Variants in PTPRT observed in about 807,000 individuals in gnomAD.
PTPRT encodes receptor-type tyrosine-protein phosphatase T.
A neutral mutation model predicts 176.8 loss-of-function variants in PTPRT; 56 were observed. That is an observed-to-expected ratio of 0.32 (90% CI 0.26 to 0.40). The LOEUF is 0.40. Ranked by LOEUF, PTPRT falls within the 10% of genes least tolerant of loss-of-function variation. The pLI, the probability that PTPRT is intolerant of heterozygous loss-of-function variation, is 1.00. For missense variants in PTPRT, 1,540 were observed against 1,908.2 expected (o/e 0.81, Z 3.60); for synonymous variants, 783 against 739.0 (o/e 1.06, Z -0.96).
intron 13 of PTPRT, among the ~76,000 whole-genome samples, chr20:42,258,917 C>A (rs151213169): frequency 6.6e-6 from 1 of 152,180 alleles, no homozygotes; most frequent in Admixed American, 6.5e-5. Context: ...AGAAGATACA[C>A]ATTTCTAATA....
chr20:42,155,033 C>G (rs1298271495), intron 17 of PTPRT, among the ~76,000 whole-genome samples: 1 of 152,154 alleles, frequency 6.6e-6, no homozygotes, highest in Non-Finnish European at 1.5e-5. Flanking sequence ...CTGGGGACTC[C>G]ATGGGTTTTC....
At chr20:42,033,516 G>A in the PTPRT span, among the ~76,000 whole-genome samples, 291 of 152,224 alleles carry the variant, frequency 1.9e-3, 2 homozygotes, top group Non-Finnish European at 3.0e-3. Flanking sequence ...TGGAGTCTGA[G>A]GTGGATCCTC....
At chr20:42,299,554 G>C (rs1314764369) in intron 12 of PTPRT, among the ~76,000 whole-genome samples, 2 of 149,802 alleles carry the variant, frequency 1.3e-5, no homozygotes, top group East Asian at 2.0e-4. Flanking sequence ...CTCACTGTCA[G>C]AGAAGGGAAT....
chr20:42,789,190 C>A (rs192348650), intron 3 of PTPRT, among the ~76,000 whole-genome samples: 5 of 152,276 alleles, frequency 3.3e-5, no homozygotes, highest in South Asian at 4.1e-4. Context: ...TAAAGATTGA[C>A]AGGGAGAGAA....
chr20:42,339,589 G>A (rs1363417060), intron 11 of PTPRT, among the ~76,000 whole-genome samples: 1 of 152,188 alleles, frequency 6.6e-6, no homozygotes, highest in African/African-American at 2.4e-5. Context: ...CATACCTGAG[G>A]CCACCCATAG....
At chr20:42,145,161 T>G (rs6016694) in intron 17 of PTPRT, among the ~76,000 whole-genome samples, 24,424 of 152,066 alleles carry the variant, frequency 0.16, 2,548 homozygotes, top group East Asian at 0.49. Flanking sequence ...CATATAAAAA[T>G]CAAACAAATG....
intron 9 of PTPRT, among the ~76,000 whole-genome samples, chr20:42,373,874 G>A (rs2058619090): frequency 6.6e-6 from 1 of 152,184 alleles, no homozygotes; most frequent in Admixed American, 6.5e-5. Context: ...ACCTGCATCA[G>A]GAACCACAGG....
At chr20:42,267,107 T>A (rs1482464499) in intron 13 of PTPRT, among the ~76,000 whole-genome samples, 1 of 152,142 alleles carries the variant, frequency 6.6e-6, no homozygotes, top group Non-Finnish European at 1.5e-5. Context: ...GAGAAAGTAA[T>A]ACCTGTTCAG....
At chr20:42,741,406 G>A (rs147258127) in intron 6 of PTPRT, among the ~76,000 whole-genome samples, 1,547 of 152,120 alleles carry the variant, frequency 0.01, 32 homozygotes, top group African/African-American at 0.035. Context: ...GTGCAGTGGC[G>A]CGATCTTGGC....
chr20:42,626,199 T>A (rs2074286996), intron 7 of PTPRT, among the ~76,000 whole-genome samples: 1 of 152,088 alleles, frequency 6.6e-6, no homozygotes, highest in Admixed American at 6.6e-5. Flanking sequence ...AAAAAAGCTA[T>A]CAAAAACTGA....
chr20:42,963,325 C>T (rs1000065522), intron 1 of PTPRT, among the ~76,000 whole-genome samples: 22 of 150,730 alleles, frequency 1.5e-4, no homozygotes, highest in African/African-American at 5.1e-4. Context: ...GGCAGTAAGC[C>T]GAGATCGCAC....
intron 6 of PTPRT, among the ~76,000 whole-genome samples, chr20:42,694,180 A>G (rs935571220): frequency 1.1e-4 from 16 of 151,756 alleles, no homozygotes; most frequent in African/African-American, 3.9e-4. Context: ...CTGGGACTAC[A>G]GGCACCCGCC....
chr20:42,036,118 T>A, the PTPRT span, among the ~76,000 whole-genome samples: 1 of 152,040 alleles, frequency 6.6e-6, no homozygotes, highest in Admixed American at 6.6e-5. Context: ...TCCACTGGGG[T>A]GAGGAATCTA....
chr20:43,004,526 G>A (rs571413392), intron 1 of PTPRT, among the ~76,000 whole-genome samples: 32 of 152,282 alleles, frequency 2.1e-4, no homozygotes, highest in African/African-American at 6.0e-4. Context: ...CAACAAATAC[G>A]TCAGGAAATA....
At chr20:42,123,973 C>A (rs913159244) in intron 19 of PTPRT, among the ~76,000 whole-genome samples, 1 of 152,182 alleles carries the variant, frequency 6.6e-6, no homozygotes, top group Non-Finnish European at 1.5e-5. Context: ...ATGTCCCCAG[C>A]ACCTACAAGT....
chr20:42,379,030 A>G (rs181910798), intron 9 of PTPRT, among the ~76,000 whole-genome samples: 3 of 152,208 alleles, frequency 2.0e-5, no homozygotes, highest in African/African-American at 4.8e-5. Context: ...GTGCCCCCAC[A>G]GCTCCATTTT....
intron 12 of PTPRT, among the ~76,000 whole-genome samples, chr20:42,289,743 C>T (rs2057289282): frequency 6.6e-6 from 1 of 152,008 alleles, no homozygotes; most frequent in Admixed American, 6.6e-5. Context: ...AAGTTTTTAA[C>T]TTTCCTTAAT....
chr20:42,036,851 T>G, the PTPRT span, among the ~76,000 whole-genome samples: 2 of 152,132 alleles, frequency 1.3e-5, no homozygotes, highest in African/African-American at 4.8e-5. Context: ...CAGAAGCACC[T>G]TGCATATCAG....
At chr20:42,650,124 G>A (rs2075002900) in intron 7 of PTPRT, among the ~76,000 whole-genome samples, 2 of 152,316 alleles carry the variant, frequency 1.3e-5, no homozygotes, top group South Asian at 4.1e-4. Context: ...CAGGAAGTAA[G>A]AAGGTACAAA....
Sources: gnomAD v4.1 joint callset for allele counts (sites outside exome capture counted in the v4.1 genomes callset) on GRCh38, gnomAD v4.1.1 for gene constraint, MANE v1.5 for transcripts, NCBI Gene and HGNC (gene_info 2026-07-23, HGNC 2026-07-21) for gene names.